Variants in GLIS3 observed in about 807,000 individuals in gnomAD.
GLIS3 encodes the protein zinc finger protein GLIS3.
GLIS3 carries 53 observed loss-of-function variants against 78.6 expected under a neutral mutation model. That is an observed-to-expected ratio of 0.67 (90% CI 0.54 to 0.85). GLIS3 has a LOEUF of 0.85. Ranked by LOEUF, GLIS3 falls within the 40% of genes least tolerant of loss-of-function variation. The pLI, the probability that GLIS3 is intolerant of heterozygous loss-of-function variation, is 0.00. For missense variants in GLIS3, 1,703 were observed against 1,231.1 expected, an observed-to-expected ratio of 1.38 and a Z score of -5.74; for synonymous variants, 684 against 509.9, an observed-to-expected ratio of 1.34 and a Z score of -4.60.
At chr9:4,224,515 T>C (rs368863413) in intron 2 of GLIS3, among the ~76,000 whole-genome samples, 1 of 152,158 alleles carries the variant, frequency 6.6e-6, no homozygotes, top group African/African-American at 2.4e-5. Context: ...TGCTTCACTA[T>C]TTAACCTTAT....
intron 4 of GLIS3, among the ~76,000 whole-genome samples, chr9:4,068,358 G>C (rs566029214): frequency 6.6e-6 from 1 of 151,940 alleles, no homozygotes; most frequent in Non-Finnish European, 1.5e-5. Flanking sequence ...TTGAAAACTA[G>C]AGAAAAATAA....
At chr9:4,348,667 C>G (rs1817925574), upstream of GLIS3, among the ~76,000 whole-genome samples, 3 of 152,040 alleles carry the variant, frequency 2.0e-5, no homozygotes, top group African/African-American at 7.3e-5. Context: ...CTGACTTTCT[C>G]CCAGTGACTC....
intron 2 of GLIS3, among the ~76,000 whole-genome samples, chr9:4,271,604 G>C (rs1826515204): frequency 6.6e-6 from 1 of 152,144 alleles, no homozygotes; most frequent in Admixed American, 6.5e-5. Context: ...AAAATATCTG[G>C]CTGTACACCC....
At chr9:4,455,026 G>A in the GLIS3 span, among the ~76,000 whole-genome samples, 1 of 152,068 alleles carries the variant, frequency 6.6e-6, no homozygotes, top group Non-Finnish European at 1.5e-5. Flanking sequence ...CACTTCACTA[G>A]GTAATTTATA....
intron 4 of GLIS3, among the ~76,000 whole-genome samples, chr9:3,967,112 A>T (rs760122185): frequency 2.0e-5 from 3 of 151,348 alleles, no homozygotes; most frequent in Non-Finnish European, 4.4e-5. Flanking sequence ...CATTTAGTAA[A>T]GAAGTCCAGT....
chr9:4,345,147 T>G (rs145758890), intron 2 of GLIS3, among the ~76,000 whole-genome samples: 1 of 152,300 alleles, frequency 6.6e-6, no homozygotes, highest in African/African-American at 2.4e-5. Context: ...TACAAGATCC[T>G]ACACAATCTG....
intron 2 of GLIS3, among the ~76,000 whole-genome samples, chr9:4,225,168 G>A (rs1030033101): frequency 1.3e-5 from 2 of 151,952 alleles, no homozygotes; most frequent in African/African-American, 4.8e-5. Context: ...AAGTTGGTAA[G>A]TTAATAAGAT....
intron 2 of GLIS3, among the ~76,000 whole-genome samples, chr9:4,252,839 T>A (rs538046340): frequency 6.6e-6 from 1 of 152,194 alleles, no homozygotes; most frequent in African/African-American, 2.4e-5. Context: ...TCCTTTCTGT[T>A]TGTTAGTTTT....
the GLIS3 span, among the ~76,000 whole-genome samples, chr9:4,413,885 T>G: frequency 4.6e-5 from 7 of 152,174 alleles, no homozygotes; most frequent in Admixed American, 2.0e-4. Flanking sequence ...TAAATGAGGT[T>G]CTGGCTATCC....
intron 2 of GLIS3, among the ~76,000 whole-genome samples, chr9:4,319,278 C>T (rs973085494): frequency 2.0e-5 from 3 of 151,970 alleles, no homozygotes; most frequent in Admixed American, 2.0e-4. Context: ...TTAGGGGCAA[C>T]ATTCTAAAAT....
At chr9:4,255,906 T>C (rs943526214) in intron 2 of GLIS3, among the ~76,000 whole-genome samples, 2 of 152,018 alleles carry the variant, frequency 1.3e-5, no homozygotes, top group African/African-American at 4.8e-5. Context: ...CTGTAACGAG[T>C]GTACTACTCT....
chr9:4,354,531 G>A, the GLIS3 span, among the ~76,000 whole-genome samples: 1 of 152,144 alleles, frequency 6.6e-6, no homozygotes, highest in Admixed American at 6.5e-5. Flanking sequence ...TTACCCTCCA[G>A]AATCCACGTG....
At chr9:4,432,047 T>G in the GLIS3 span, among the ~76,000 whole-genome samples, 1 of 152,148 alleles carries the variant, frequency 6.6e-6, no homozygotes, top group Non-Finnish European at 1.5e-5. Context: ...AGCCACAGTT[T>G]GCCGACTTCT....
At chr9:4,166,380 G>C (rs962923556) in intron 2 of GLIS3, among the ~76,000 whole-genome samples, 2 of 152,104 alleles carry the variant, frequency 1.3e-5, no homozygotes, top group African/African-American at 4.8e-5. Context: ...GTAAGGACAA[G>C]AAAAACCACA....
At chr9:4,255,264 G>T (rs1288149039) in intron 2 of GLIS3, among the ~76,000 whole-genome samples, 2 of 152,212 alleles carry the variant, frequency 1.3e-5, no homozygotes, top group African/African-American at 2.4e-5. Flanking sequence ...GTGCTGGTGG[G>T]TATGCAAAAT....
rs1816965960 is a variant in GLIS3 at position 4,299,875 on chromosome 9, G to T, written c.-553C>A. The T allele has an allele frequency of 6.6e-6, 1 of 152,272 alleles. No individual in the cohort carries two copies. The highest frequency in any genetic ancestry group is 2.4e-5 in the African/African-American group (1 of 41,440). The allele number at this position is 152,272 out of a possible 1,614,324, so 9.4% of individuals were successfully genotyped here. On this transcript the variant is annotated 5_prime_UTR_variant, in exon 1 of 11. Coordinates refer to ENST00000381971, the MANE Select transcript of GLIS3 (RefSeq NM_001042413.2). ...ATTGCTGCCGGCGGGTTCCGTCGCC[G>T]GTGTGACCCTGGACGGCGCGGACGG...
intron 4 of GLIS3, among the ~76,000 whole-genome samples, chr9:4,092,188 G>A (rs909203240): frequency 2.3e-5 from 3 of 131,660 alleles, no homozygotes; most frequent in African/African-American, 8.6e-5. Context: ...GTCTCGCTCT[G>A]TTGCTCAGAC....
chr9:4,311,282 G>A (rs1263264589), intron 2 of GLIS3, among the ~76,000 whole-genome samples: 1 of 152,170 alleles, frequency 6.6e-6, no homozygotes, highest in South Asian at 2.1e-4. Flanking sequence ...GGTGGCACAT[G>A]CCTGTAATCC....
intron 4 of GLIS3, among the ~76,000 whole-genome samples, chr9:4,092,815 G>A (rs915631785): frequency 6.6e-6 from 1 of 152,168 alleles, no homozygotes; most frequent in Admixed American, 6.5e-5. Flanking sequence ...AAAACGTATA[G>A]TATAGTAAAT....
Sources: allele counts gnomAD v4.1 joint callset (sites outside exome capture counted in the v4.1 genomes callset), GRCh38; gene constraint gnomAD v4.1.1; transcripts MANE v1.5; gene names NCBI Gene and HGNC (gene_info 2026-07-23, HGNC 2026-07-21).